NEMF: variants seen among roughly 807,000 people sequenced by gnomAD.
The protein encoded by NEMF is nuclear export mediator factor.
A neutral mutation model predicts 162.2 loss-of-function variants in NEMF; 89 were observed. That is an observed-to-expected ratio of 0.55 (90% CI 0.46 to 0.65). The LOEUF is 0.65. Among genes scored for constraint, NEMF ranks in the 30% least tolerant of loss-of-function variants. NEMF has a pLI of 0.00. For missense variants in NEMF, 1,133 were observed against 1,261.9 expected, an observed-to-expected ratio of 0.90 and a Z score of 1.55; for synonymous variants, 421 against 404.5, an observed-to-expected ratio of 1.04 and a Z score of -0.49.
chr14:49,838,159 C>G lies in NEMF; in HGVS notation c.554G>C (p.Arg185Thr). The G allele has an allele frequency of 6.2e-7, 1 of 1,613,812 alleles. No individual in the cohort carries two copies. Among genetic ancestry groups the G allele is most frequent in the Non-Finnish European group, 8.5e-7 (1 of 1,179,748 alleles). Reference protein sequence around the residue: ...ASAPKGELLKRVLNPLLPYGP... With the variant: ...ASAPKGELLKTVLNPLLPYGP... ...CTCACGAAGTAATGGGTTAAGCACC[C>G]TCTTCAGTAGTTCACCCTTAGGTGC... Residue 185 changes from arginine to threonine, a missense_variant, in exon 6 of 33, where the codon AGG becomes ACG. Arg to Thr is a moderately conservative substitution (Grantham distance 71). This residue lies in a region of NEMF where 582 missense variants were observed against 631.5 expected (regional missense o/e 0.92). Coordinates refer to ENST00000298310, the MANE Select transcript of NEMF (RefSeq NM_004713.6).
rs1384411886 is a variant in NEMF at position 49,806,756 on chromosome 14, G to A, written c.1745-623C>T. 2.6e-5 allele frequency among the ~76,000 whole-genome samples: 4 copies of A among 152,234 alleles called. No individual in the cohort carries two copies. The South Asian group carries it at 6.2e-4, about 24-fold the overall frequency. On this transcript the variant is annotated intron_variant, in intron 18 of 32. Transcript: ENST00000298310. ...ACTTCACTCCAGAAAAGATAATTTAGAGAAATCCATTTAAAGTTTGAAGAC... is the reference window on the plus strand; with the variant it reads ...ACTTCACTCCAGAAAAGATAATTTAAAGAAATCCATTTAAAGTTTGAAGAC...
chr14:49,815,950 C>T (rs912479357), intron 16 of NEMF, among the ~76,000 whole-genome samples: 11 of 151,888 alleles, frequency 7.2e-5, no homozygotes, highest in Admixed American at 1.3e-4. Context: ...GGCAACAGAA[C>T]GAGACTCTGT....
intron 22 of NEMF, 34 bp downstream of exon 22, chr14:49,802,419 A>T (rs761287668): frequency 6.2e-7 from 1 of 1,604,796 alleles, no homozygotes; most frequent in Non-Finnish European, 8.5e-7. Context: ...AACAAAAAAC[A>T]TCACAAGCTA....
intron 25 of NEMF, among the ~76,000 whole-genome samples, chr14:49,798,645 A>T (rs1890801731): frequency 1.3e-5 from 2 of 152,192 alleles, no homozygotes; most frequent in Non-Finnish European, 2.9e-5. Flanking sequence ...GCGGTGGCTT[A>T]TGCCTATAAT....
rs1407346858 is a variant in NEMF at position 49,846,987 on chromosome 14, G to C, written c.232-722C>G. Among the ~76,000 whole-genome samples, 7 of 152,330 alleles carry C rather than the reference G, an allele frequency of 4.6e-5. No individual in the cohort carries two copies. The East Asian group carries it at 1.2e-3, about 25-fold the overall frequency. On this transcript the variant is annotated intron_variant, in intron 3 of 32. Transcript: ENST00000298310. ...TGCAACCTCCGCCTCCCAGGTTCAAGTGATTCTCCTGCCTCAGCCTCCTGA... is the reference window on the plus strand; with the variant it reads ...TGCAACCTCCGCCTCCCAGGTTCAACTGATTCTCCTGCCTCAGCCTCCTGA...
intron 10 of NEMF, 143 bp downstream of exon 10, chr14:49,831,908 T>C: frequency 1.7e-6 from 1 of 596,796 alleles, no homozygotes; most frequent in South Asian, 2.4e-5. Context: ...AACAGCTGTA[T>C]CTGTGACGAC....
At position 49,825,948 on chromosome 14, in the gene NEMF, T is replaced by C. The variant is rs777884603; in HGVS notation, c.1496A>G (p.Lys499Arg). ...KTVEAAEKAF[K>R]SAEKKTKQTL... is the part of the protein sequence containing the mutation. ...TTGCTTTGTTTTCTTTTCTGCTGACTTGAATGCCTATTTATAGAAAAGAGT... is the reference window on the plus strand; with the variant it reads ...TTGCTTTGTTTTCTTTTCTGCTGACCTGAATGCCTATTTATAGAAAAGAGT... Residue 499 changes from lysine to arginine, a missense_variant, in exon 16 of 33, where the codon AAG (lysine) becomes AGG (arginine). Physicochemically the swap from Lys to Arg is conservative, Grantham distance 26. Around this residue, in one of 3 missense-constraint regions of NEMF, gnomAD observed 582 missense variants for 631.5 expected, o/e 0.92. Transcript: ENST00000298310. 7 of 1,602,448 alleles carry C rather than the reference T, an allele frequency of 4.4e-6. No individual in the cohort carries two copies. In the South Asian group the frequency reaches 6.6e-5, roughly 15 times the overall value.
chr14:49,835,212 C>T (rs1226100232), intron 6 of NEMF, among the ~76,000 whole-genome samples: 7 of 77,666 alleles, frequency 9.0e-5, no homozygotes, highest in African/African-American at 1.5e-4. Context: ...CGCCCCACCC[C>T]GCAACCAAAA....
chr14:49,838,648 G>A (rs529107627), intron 5 of NEMF, among the ~76,000 whole-genome samples: 3 of 146,980 alleles, frequency 2.0e-5, no homozygotes, highest in East Asian at 4.0e-4. Context: ...ACAGTGGCAC[G>A]ATCTCGGCTC....
rs1892533460 is a variant in NEMF at position 49,829,484 on chromosome 14, C to T, written c.946-58G>A. The T allele has an allele frequency of 2.2e-6, 3 of 1,353,892 alleles. No homozygotes were observed. In the South Asian group the frequency reaches 3.7e-5, roughly 17 times the overall value. The allele number at this position is 1,353,892 out of a possible 1,614,324, so 83.9% of individuals were successfully genotyped here. A position where few individuals can be genotyped will look rare whatever the true frequency, so the allele number is the denominator to read the frequency against. On this transcript the variant is annotated intron_variant, in intron 11 of 32. Coordinates refer to ENST00000298310, the MANE Select transcript of NEMF (RefSeq NM_004713.6). ...AGATTTCTCCTACCTCATGACATCC[C>T]TCTCTTACTTCCCAACACTCACTAT...
At chr14:49,848,747 A>C (rs1406635339) in intron 3 of NEMF, among the ~76,000 whole-genome samples, 1 of 150,930 alleles carries the variant, frequency 6.6e-6, no homozygotes, top group Non-Finnish European at 1.5e-5. Flanking sequence ...AGACACGAGA[A>C]TCACTTGAAC....
At position 49,827,048 on chromosome 14, in the gene NEMF, G is replaced by A. The variant is rs186167505; in HGVS notation, c.1489-1093C>T. Among the ~76,000 whole-genome samples the A allele has an allele frequency of 5.3e-5, 8 of 152,276 alleles. No individual in the cohort carries two copies. In the East Asian group the frequency reaches 1.5e-3, roughly 29 times the overall value. Reference sequence around the variant, plus strand: ...AGATCCCAGTGTAGCCAGAAAGAGTGTATGAGAGGAGGAATGCAGGTGTTG... The same window carrying A: ...AGATCCCAGTGTAGCCAGAAAGAGTATATGAGAGGAGGAATGCAGGTGTTG... On this transcript the variant is annotated intron_variant, in intron 15 of 32. Transcript: ENST00000298310.
chr14:49,829,017 G>C (rs1178059842), intron 13 of NEMF, 37 bp downstream of exon 13: 3 of 1,545,586 alleles, frequency 1.9e-6, no homozygotes, highest in South Asian at 1.2e-5. Flanking sequence ...ACAAAATAAA[G>C]ACAAGCATTA....
intron 4 of NEMF, among the ~76,000 whole-genome samples, chr14:49,845,367 C>T (rs1010547308): frequency 3.3e-5 from 5 of 152,182 alleles, no homozygotes; most frequent in Non-Finnish European, 5.9e-5. Flanking sequence ...CCTCGGCCTC[C>T]CAAAATGCTA....
intron 16 of NEMF, among the ~76,000 whole-genome samples, chr14:49,817,399 C>T (rs563837675): frequency 6.6e-6 from 1 of 152,254 alleles, no homozygotes; most frequent in South Asian, 2.1e-4. Context: ...AAGATTGCAC[C>T]ACTGCACTTC....
rs772816798 is a variant in NEMF, at chr14:49,785,088, A to G, written c.3073+4T>C. On this transcript the variant is annotated splice_donor_region_variant and intron_variant, in intron 31 of 32. Coordinates refer to ENST00000298310, the MANE Select transcript of NEMF (RefSeq NM_004713.6). The stretch of plus-strand genomic sequence containing the variant: ...TCATAATTCAAAAAAACAAATTTAA[A>G]TACCTTTTCCCTTTTTCTGCACTCC... 10 of 1,606,862 alleles carry G rather than the reference A, an allele frequency of 6.2e-6. No individual in the cohort carries two copies. The highest frequency in any genetic ancestry group is 7.7e-6 in the Non-Finnish European group (9 of 1,173,652).
At chr14:49,788,203 C>T (rs1292125989) in intron 28 of NEMF, among the ~76,000 whole-genome samples, 2 of 137,768 alleles carry the variant, frequency 1.5e-5, no homozygotes, top group Non-Finnish European at 3.0e-5. Flanking sequence ...TGCTTGAATC[C>T]GGGAGGTGGA....
chr14:49,842,688 T>C (rs1420974342), intron 4 of NEMF, among the ~76,000 whole-genome samples: 2 of 152,236 alleles, frequency 1.3e-5, no homozygotes, highest in East Asian at 3.8e-4. Context: ...GAGAGATAGA[T>C]AACCAGAAAT....
chr14:49,813,204 C>T lies in NEMF; in HGVS notation c.1744+784G>A, dbSNP rs1236058114. Among the ~76,000 whole-genome samples, 3 of 152,162 alleles carry T rather than the reference C, an allele frequency of 2.0e-5. No homozygotes were observed. In the East Asian group the frequency reaches 5.8e-4, roughly 29 times the overall value. ...AAAATCTAAAACTTTCTGAGTGCAG[C>T]ATGATGACTCAAAGAAAATGCCCAC... is the stretch of plus-strand genomic sequence containing the variant. On this transcript the variant is annotated intron_variant, in intron 18 of 32. Transcript: ENST00000298310.
Sources: allele counts gnomAD v4.1 joint callset (sites outside exome capture counted in the v4.1 genomes callset), GRCh38; gene constraint gnomAD v4.1.1; regional missense constraint gnomAD v4.1.1; transcripts MANE v1.5; gene names NCBI Gene and HGNC (gene_info 2026-07-23, HGNC 2026-07-21).